The following SYT1 variants were observed in gnomAD, a reference collection of about 807,000 sequenced individuals.
SYT1 encodes synaptotagmin-1.
Under a neutral mutation model 44.8 loss-of-function variants are expected in SYT1, and 8 were observed. That is an observed-to-expected ratio of 0.18 (90% CI 0.10 to 0.32). SYT1 has a LOEUF of 0.32. Among genes scored for constraint, SYT1 ranks in the 10% least tolerant of loss-of-function variants. The pLI, the probability that SYT1 is intolerant of heterozygous loss-of-function variation, is 1.00. For synonymous variants in SYT1, 154 were observed against 188.8 expected (o/e 0.82, Z 1.51); for missense variants, 286 against 509.3 (o/e 0.56, Z 4.22).
At chr12:79,179,263 T>TACAG (rs1291103264) in intron 3 of SYT1, among the ~76,000 whole-genome samples, 1 of 104,620 alleles carries the variant, frequency 9.6e-6, no homozygotes, top group African/African-American at 3.9e-5. Flanking sequence ...TAGATATAGA[T>TACAG]ATATAGATAT....
At chr12:79,363,572 T>A (rs5011390) in intron 9 of SYT1, among the ~76,000 whole-genome samples, 8,394 of 139,590 alleles carry the variant, frequency 0.06, 454 homozygotes, top group African/African-American at 0.14. Context: ...CAAAAAAAAT[T>A]AAAAAAAAAA....
intron 1 of SYT1, among the ~76,000 whole-genome samples, chr12:78,904,679 G>A (rs1875861826): frequency 6.6e-6 from 1 of 152,086 alleles, no homozygotes; most frequent in Non-Finnish European, 1.5e-5. Context: ...CAAAAATGAT[G>A]CAAAATCTGC....
intron 9 of SYT1, among the ~76,000 whole-genome samples, chr12:79,402,917 G>A (rs1185430771): frequency 2.0e-5 from 3 of 152,060 alleles, no homozygotes; most frequent in African/African-American, 4.8e-5. Context: ...GTTAGTTTTT[G>A]TTTTGTTTTA....
intron 3 of SYT1, among the ~76,000 whole-genome samples, chr12:79,211,520 A>G (rs1273526894): frequency 6.6e-6 from 1 of 151,886 alleles, no homozygotes; most frequent in Non-Finnish European, 1.5e-5. Flanking sequence ...TACATGTGCC[A>G]TGCTGGTGCG....
At chr12:79,289,802 T>C (rs1399868512) in intron 5 of SYT1, among the ~76,000 whole-genome samples, 3 of 151,732 alleles carry the variant, frequency 2.0e-5, no homozygotes, top group Non-Finnish European at 4.4e-5. Flanking sequence ...TGAGCACACC[T>C]AAGACAGTGT....
intron 3 of SYT1, among the ~76,000 whole-genome samples, chr12:79,160,113 T>G (rs1364011026): frequency 6.6e-6 from 1 of 152,112 alleles, no homozygotes; most frequent in African/African-American, 2.4e-5. Flanking sequence ...ATAGAACTAT[T>G]AGGCTTTGTT....
intron 8 of SYT1, among the ~76,000 whole-genome samples, chr12:79,307,624 G>T: frequency 6.6e-6 from 1 of 151,308 alleles, no homozygotes; most frequent in East Asian, 2.0e-4. Context: ...CTGGGGGTGG[G>T]GGTGGGGGGG....
intron 3 of SYT1, among the ~76,000 whole-genome samples, chr12:79,057,550 C>T (rs1350615295): frequency 1.3e-5 from 2 of 152,008 alleles, no homozygotes; most frequent in African/African-American, 4.8e-5. Flanking sequence ...GCTATAACAT[C>T]TCCTAGGAAG....
intron 9 of SYT1, among the ~76,000 whole-genome samples, chr12:79,443,010 C>T (rs890734791): frequency 1.3e-5 from 2 of 152,204 alleles, no homozygotes; most frequent in African/African-American, 4.8e-5. Context: ...TCCTTTCAAC[C>T]GTGAGCATTG....
intron 1 of SYT1, among the ~76,000 whole-genome samples, chr12:78,973,384 C>T (rs892563706): frequency 2.0e-5 from 3 of 152,026 alleles, no homozygotes; most frequent in Non-Finnish European, 4.4e-5. Context: ...TTCTTTTGGT[C>T]AACATCTCCC....
In SYT1 at chr12:79,092,029, AAGG is replaced by A. The variant is rs532987739; in HGVS notation, c.-18+44673_-18+44675del. ...CCTCTTGAGGCTGGGAAGCCAATCC[AAGG>A]AGGAGTCACCCTCAAATTGTGCCTG... On this transcript the variant is annotated intron_variant, in intron 3 of 10. Transcript: ENST00000261205. 5.4e-3 allele frequency among the ~76,000 whole-genome samples: 825 copies of A among 152,048 alleles called. 7 individuals are homozygous for A. Among genetic ancestry groups the A allele is most frequent in the Non-Finnish European group, 4.9e-3 (334 of 67,890 alleles).
At chr12:79,258,902 T>G (rs145568445) in intron 4 of SYT1, among the ~76,000 whole-genome samples, 1 of 152,226 alleles carries the variant, frequency 6.6e-6, no homozygotes, top group African/African-American at 2.4e-5. Context: ...TGAAAAAGGC[T>G]GAATACAAAA....
Position 79,339,791 on chromosome 12 carries a change from T to C in SYT1, c.811-13711T>C, listed in dbSNP as rs1882275582. On this transcript the variant is annotated intron_variant, in intron 8 of 10. Coordinates refer to ENST00000261205, the MANE Select transcript of SYT1 (RefSeq NM_005639.3). Reference sequence around the variant, plus strand: ...TTGCCTAGGTTTTCTTCTAGGGATTTTATGGTTTTAGGTCTAACATTTAAG... The same window carrying C: ...TTGCCTAGGTTTTCTTCTAGGGATTCTATGGTTTTAGGTCTAACATTTAAG... Among the ~76,000 whole-genome samples the C allele has an allele frequency of 2.0e-5, 3 of 152,244 alleles. No homozygotes were observed. In the South Asian group the frequency reaches 6.2e-4, roughly 32 times the overall value.
intron 1 of SYT1, among the ~76,000 whole-genome samples, chr12:78,867,971 A>G (rs1335892603): frequency 6.6e-6 from 1 of 151,936 alleles, no homozygotes; most frequent in Non-Finnish European, 1.5e-5. Context: ...CTGTTAGCCT[A>G]ATAACACCAT....
At chr12:78,918,030 C>G (rs1473884290) in intron 1 of SYT1, among the ~76,000 whole-genome samples, 1 of 152,014 alleles carries the variant, frequency 6.6e-6, no homozygotes, top group East Asian at 1.9e-4. Context: ...TTAAATAGTT[C>G]ATTAGCCTCT....
chr12:79,178,497 T>C (rs547973630), intron 3 of SYT1, among the ~76,000 whole-genome samples: 1 of 152,192 alleles, frequency 6.6e-6, no homozygotes, highest in South Asian at 2.1e-4. Context: ...ACTTTGTACC[T>C]TGCCTGTTCC....
At chr12:79,403,919 A>G (rs536363003) in intron 9 of SYT1, among the ~76,000 whole-genome samples, 1 of 152,304 alleles carries the variant, frequency 6.6e-6, no homozygotes, top group African/African-American at 2.4e-5. Flanking sequence ...TTGCTTTATT[A>G]AAAGAATGAC....
At chr12:78,882,399 A>G (rs1874507988) in intron 1 of SYT1, among the ~76,000 whole-genome samples, 1 of 151,798 alleles carries the variant, frequency 6.6e-6, no homozygotes, top group Non-Finnish European at 1.5e-5. Context: ...TAATCACTCT[A>G]TGAGTGTATC....
At chr12:79,305,776 ACCCCCCGCC>A (rs1880364467) in intron 8 of SYT1, among the ~76,000 whole-genome samples, 1 of 151,786 alleles carries the variant, frequency 6.6e-6, no homozygotes, top group African/African-American at 2.4e-5. Flanking sequence ...GCTCACTGCA[ACCCCCCGCC>A]TCCCGGGTTC....
Sources: allele counts gnomAD v4.1 joint callset (sites outside exome capture counted in the v4.1 genomes callset), GRCh38; gene constraint gnomAD v4.1.1; transcripts MANE v1.5; gene names NCBI Gene and HGNC (gene_info 2026-07-23, HGNC 2026-07-21).